Variants in FER observed in about 807,000 individuals in gnomAD.
The protein encoded by FER is tyrosine-protein kinase Fer.
A neutral mutation model predicts 111.0 loss-of-function variants in FER; 63 were observed. That is an observed-to-expected ratio of 0.57 (90% CI 0.46 to 0.70). The LOEUF (loss-of-function observed/expected upper bound fraction) is 0.70. FER is among the 30% of genes least tolerant of loss of function. FER has a pLI of 0.00. For synonymous variants in FER, 327 were observed against 313.9 expected, an observed-to-expected ratio of 1.04 and a Z score of -0.44; for missense variants, 914 against 954.0, an observed-to-expected ratio of 0.96 and a Z score of 0.55.
At position 109,153,454 on chromosome 5, in the gene FER, GA is replaced by G. The variant is rs1306959629; in HGVS notation, c.2049-27286del. ...CAACAAAATTCATTCTAAAACTAGG[GA>G]AAAAAAGGTTTGACTTAACGGTTGT... On this transcript the variant is annotated intron_variant, in intron 17 of 19. Transcript: ENST00000281092. Among the ~76,000 whole-genome samples, 7 of 151,588 alleles carry G rather than the reference GA, an allele frequency of 4.6e-5. No homozygotes were observed. The South Asian group carries it at 1.2e-3, about 27-fold the overall frequency.
intron 3 of FER, among the ~76,000 whole-genome samples, chr5:108,801,070 G>A (rs1239813825): frequency 6.6e-6 from 1 of 152,166 alleles, no homozygotes; most frequent in Non-Finnish European, 1.5e-5. Flanking sequence ...TTTGCCTGAT[G>A]CAAAGTTAAA....
intron 17 of FER, among the ~76,000 whole-genome samples, chr5:109,104,307 CTA>C (rs887694161): frequency 1.5e-4 from 23 of 152,188 alleles, no homozygotes; most frequent in African/African-American, 5.1e-4. Flanking sequence ...GTTGACTACT[CTA>C]TGCCAGGGGC....
At chr5:108,855,695 A>G (rs1762943563) in intron 5 of FER, among the ~76,000 whole-genome samples, 1 of 152,196 alleles carries the variant, frequency 6.6e-6, no homozygotes, top group Non-Finnish European at 1.5e-5. Flanking sequence ...TTCAAGGAAG[A>G]GCAAGTGATC....
rs1759623214 is a variant in FER, at chr5:109,194,830, A to G, written c.*7255A>G. The G allele has an allele frequency of 2.8e-5, 4 of 145,220 alleles. No individual in the cohort carries two copies. Among genetic ancestry groups the G allele is most frequent in the Non-Finnish European group, 6.2e-5 (4 of 64,490 alleles). The allele number at this position is 145,220 out of a possible 1,614,324, so 9.0% of individuals were successfully genotyped here. A position where few individuals can be genotyped will look rare whatever the true frequency, so the allele number is the denominator to read the frequency against. On this transcript the variant is annotated 3_prime_UTR_variant, in exon 20 of 20. Transcript: ENST00000281092. The stretch of plus-strand genomic sequence containing the variant: ...TCATTTTTCATATAGCTGTTGTCAA[A>G]TAGTATAACCTTGGTGTCTTCTTTG...
intron 8 of FER, among the ~76,000 whole-genome samples, chr5:108,876,104 T>C (rs73781903): frequency 0.021 from 3,211 of 152,260 alleles, 110 homozygotes; most frequent in African/African-American, 0.074. Flanking sequence ...TCTTGGATCT[T>C]GTAGGGCATG....
intron 2 of FER, chr5:108,785,602 A>G: frequency 2.3e-6 from 1 of 426,492 alleles, no homozygotes; most frequent in Non-Finnish European, 4.6e-6. Context: ...AACTGGAAAA[A>G]AAAAAGTGGG....
At chr5:108,967,783 A>G (rs1212996810) in intron 13 of FER, among the ~76,000 whole-genome samples, 1 of 150,844 alleles carries the variant, frequency 6.6e-6, no homozygotes, top group Non-Finnish European at 1.5e-5. Context: ...AAAAAAAAAA[A>G]CAATTAGGAA....
chr5:108,865,389 A>G (rs1763939612), intron 5 of FER, among the ~76,000 whole-genome samples: 1 of 152,164 alleles, frequency 6.6e-6, no homozygotes, highest in Non-Finnish European at 1.5e-5. Context: ...TTCCAACACT[A>G]TGTTGAATAG....
intron 13 of FER, among the ~76,000 whole-genome samples, chr5:108,996,904 T>C (rs1342743578): frequency 1.3e-5 from 2 of 152,186 alleles, no homozygotes; most frequent in African/African-American, 4.8e-5. Context: ...GCATGGAATG[T>C]TTTTTCATTT....
At chr5:108,950,230 A>C (rs1757537777) in intron 11 of FER, among the ~76,000 whole-genome samples, 1 of 152,170 alleles carries the variant, frequency 6.6e-6, no homozygotes, top group South Asian at 2.1e-4. Context: ...TACAAGTTTT[A>C]GAAAGAATTG....
chr5:108,822,451 T>C (rs1221323795), intron 3 of FER, among the ~76,000 whole-genome samples: 8 of 152,196 alleles, frequency 5.3e-5, no homozygotes, highest in Non-Finnish European at 1.0e-4. Context: ...AGAACTATTG[T>C]GCTGTGTCAT....
At chr5:108,854,606 G>T (rs1274091436) in intron 5 of FER, among the ~76,000 whole-genome samples, 1 of 152,152 alleles carries the variant, frequency 6.6e-6, no homozygotes, top group Non-Finnish European at 1.5e-5. Flanking sequence ...ATTCAGGAAT[G>T]CAGCTTTCAC....
At chr5:109,079,398 CTTGT>C (rs1182269607) in intron 16 of FER, among the ~76,000 whole-genome samples, 1 of 152,060 alleles carries the variant, frequency 6.6e-6, no homozygotes, top group Non-Finnish European at 1.5e-5. Context: ...CAATTGAAGG[CTTGT>C]TTGACATCGG....
rs571488136 is a variant in FER, at chr5:108,965,418, G to A, written c.1656+6071G>A. Among the ~76,000 whole-genome samples the A allele has an allele frequency of 7.2e-5, 11 of 151,986 alleles. No homozygotes were observed. The South Asian group carries it at 2.3e-3, about 32-fold the overall frequency. ...TTTTTGTTTGAAAGCATTTTTCGCA[G>A]GACAGATAAATAATTAACAGAAGGA... On this transcript the variant is annotated intron_variant, in intron 13 of 19. Coordinates refer to ENST00000281092, the MANE Select transcript of FER (RefSeq NM_005246.4).
At chr5:108,918,379 A>G (rs1752535152) in intron 10 of FER, among the ~76,000 whole-genome samples, 1 of 152,196 alleles carries the variant, frequency 6.6e-6, no homozygotes, top group Non-Finnish European at 1.5e-5. Flanking sequence ...AGGCCATGAC[A>G]TCAAAATCAT....
At chr5:109,148,826 G>A (rs1754512770) in intron 17 of FER, among the ~76,000 whole-genome samples, 1 of 152,028 alleles carries the variant, frequency 6.6e-6, no homozygotes. Context: ...TTTGATGCTT[G>A]GCATTGTAAG....
At chr5:109,146,288 A>AT (rs1192796325) in intron 17 of FER, among the ~76,000 whole-genome samples, 1 of 115,428 alleles carries the variant, frequency 8.7e-6, no homozygotes, top group Non-Finnish European at 1.8e-5. Context: ...ATATATATAT[A>AT]TATCTTGGGT....
At chr5:108,793,519 C>CGGGGGGGGGGGGG (rs144848588) in intron 2 of FER, among the ~76,000 whole-genome samples, 1 of 103,156 alleles carries the variant, frequency 9.7e-6, no homozygotes, top group Non-Finnish European at 2.0e-5. Context: ...TTTGGCGGGG[C>CGGGGGGGGGGGGG]GGGGGGGGTG....
intron 13 of FER, among the ~76,000 whole-genome samples, chr5:108,996,997 C>T (rs1018161054): frequency 3.3e-5 from 5 of 151,984 alleles, no homozygotes; most frequent in Admixed American, 2.0e-4. Context: ...AAGTTGGATT[C>T]CTAGGTATTT....
Sources: allele counts gnomAD v4.1 joint callset (sites outside exome capture counted in the v4.1 genomes callset), GRCh38; gene constraint gnomAD v4.1.1; transcripts MANE v1.5; gene names NCBI Gene and HGNC (gene_info 2026-07-23, HGNC 2026-07-21).